NFE2L2: variants seen among roughly 807,000 people sequenced by gnomAD.
NFE2L2 encodes the protein nuclear factor erythroid 2-related factor 2.
A neutral mutation model predicts 49.6 loss-of-function variants in NFE2L2; 20 were observed. The observed-to-expected ratio is 0.40, with a 90% confidence interval of 0.28 to 0.59. The LOEUF is 0.59. Among genes scored for constraint, NFE2L2 ranks in the 20% least tolerant of loss-of-function variants. NFE2L2 has a pLI of 0.40. For missense variants in NFE2L2, 578 were observed against 714.2 expected (o/e 0.81, Z 2.17); for synonymous variants, 244 against 256.5 (o/e 0.95, Z 0.47).
chr2:177,261,846 TA>T (rs1690755407), intron 1 of NFE2L2, among the ~76,000 whole-genome samples: 2 of 152,096 alleles, frequency 1.3e-5, no homozygotes, highest in South Asian at 4.1e-4. Context: ...AAACCCCCTT[TA>T]AATGTCTTCA....
intron 1 of NFE2L2, among the ~76,000 whole-genome samples, chr2:177,238,002 C>T (rs1387277442): frequency 6.6e-6 from 1 of 152,190 alleles, no homozygotes; most frequent in African/African-American, 2.4e-5. Flanking sequence ...AATGCATGAT[C>T]CTGCGATCTT....
chr2:177,237,932 C>T (rs1432727280), intron 1 of NFE2L2, among the ~76,000 whole-genome samples: 1 of 152,172 alleles, frequency 6.6e-6, no homozygotes, highest in Non-Finnish European at 1.5e-5. Flanking sequence ...TCTGCCCAAG[C>T]AAGGTATTAA....
At chr2:177,263,749 G>C (rs1217170406) in intron 1 of NFE2L2, 1 of 985,352 alleles carries the variant, frequency 1.0e-6, no homozygotes, top group Admixed American at 6.1e-5. Flanking sequence ...GCGGCGTTAC[G>C]AGGGGCCAAC....
intron 1 of NFE2L2, among the ~76,000 whole-genome samples, chr2:177,261,623 C>G (rs1352420995): frequency 6.6e-6 from 1 of 152,190 alleles, no homozygotes; most frequent in Non-Finnish European, 1.5e-5. Context: ...AATGCCTGAT[C>G]TAACTATTAT....
At chr2:177,260,008 C>T (rs1156772166) in intron 1 of NFE2L2, among the ~76,000 whole-genome samples, 1 of 152,072 alleles carries the variant, frequency 6.6e-6, no homozygotes, top group Non-Finnish European at 1.5e-5. Flanking sequence ...CATATTTTTG[C>T]TTTCATTTAC....
chr2:177,245,569 G>A (rs1690093476), intron 1 of NFE2L2, among the ~76,000 whole-genome samples: 1 of 151,948 alleles, frequency 6.6e-6, no homozygotes, highest in Non-Finnish European at 1.5e-5. Flanking sequence ...TATCTCATTT[G>A]AGCCTCACTA....
rs148905429 is a variant in NFE2L2, at chr2:177,246,403, A to G, written c.46-12132T>C. 1.5e-3 allele frequency among the ~76,000 whole-genome samples: 235 copies of G among 152,322 alleles called. 1 individual carries two copies. The highest frequency in any genetic ancestry group is 4.2e-3 in the African/African-American group (174 of 41,582). On this transcript the variant is annotated intron_variant, in intron 1 of 4. Coordinates refer to ENST00000397062, the MANE Select transcript of NFE2L2 (RefSeq NM_006164.5). ...AAAATAGATACCAGGTGTACATGGTATAAGATTTAAAAGTTGCAAAAGTAA... is the reference window on the plus strand; with the variant it reads ...AAAATAGATACCAGGTGTACATGGTGTAAGATTTAAAAGTTGCAAAAGTAA...
In NFE2L2 at chr2:177,231,906, G is replaced by A. The variant is rs139187151; in HGVS notation, c.697C>T (p.Pro233Ser). Residue 233 changes from proline (P) to serine (S), a missense_variant, in exon 5 of 5, where the codon CCC (proline) becomes TCC (serine). Pro to Ser is a moderately conservative substitution (Grantham distance 74, BLOSUM62 -1). This residue lies in a region of NFE2L2 where 368 missense variants were observed against 384.6 expected (regional missense o/e 0.96). Coordinates refer to ENST00000397062, the MANE Select transcript of NFE2L2 (RefSeq NM_006164.5). ...TTACCTACTTCTTTTTCCATTGAGG[G>A]TATAGATGAGTAAAAATGATAATTG... Reference protein sequence around the residue: ...VDNYHFYSSIPSMEKEVGNCS... With the variant: ...VDNYHFYSSISSMEKEVGNCS... 187 of 1,614,164 alleles carry A rather than the reference G, an allele frequency of 1.2e-4. No individual in the cohort carries two copies. In the East Asian group the frequency reaches 3.6e-3, roughly 31 times the overall value.
intron 1 of NFE2L2, among the ~76,000 whole-genome samples, chr2:177,240,355 T>C (rs1021102942): frequency 6.6e-6 from 1 of 152,172 alleles, no homozygotes; most frequent in Non-Finnish European, 1.5e-5. Context: ...TGCACAGCAC[T>C]GCACAGATAC....
chr2:177,236,970 TCCTCCCAC>T (rs1458680184), intron 1 of NFE2L2, among the ~76,000 whole-genome samples: 2 of 152,106 alleles, frequency 1.3e-5, no homozygotes, highest in Non-Finnish European at 2.9e-5. Flanking sequence ...GCTCAAGTGA[TCCTCCCAC>T]CTCAGCCTCC....
At position 177,256,244 on chromosome 2, in the gene NFE2L2, A is replaced by G. The variant is rs77164235; in HGVS notation, c.45+8288T>C. 4.1e-3 allele frequency among the ~76,000 whole-genome samples: 622 copies of G among 152,262 alleles called. 3 individuals are homozygous for G. The highest frequency in any genetic ancestry group is 0.015 in the South Asian group (74 of 4,828). On this transcript the variant is annotated intron_variant, in intron 1 of 4. Coordinates refer to ENST00000397062, the MANE Select transcript of NFE2L2 (RefSeq NM_006164.5). ...TTACCTTCACAAAAGGCAACAAAGA[A>G]CTATAGTCATTCTTCCCTCTATTCT...
intron 1 of NFE2L2, among the ~76,000 whole-genome samples, chr2:177,244,916 T>C (rs1387761221): frequency 7.4e-6 from 1 of 135,706 alleles, no homozygotes; most frequent in African/African-American, 2.8e-5. Context: ...GGCAGGAGAA[T>C]GGCGTGAACC....
chr2:177,258,275 T>G (rs1041909710), intron 1 of NFE2L2, among the ~76,000 whole-genome samples: 1 of 152,252 alleles, frequency 6.6e-6, no homozygotes, highest in Non-Finnish European at 1.5e-5. Flanking sequence ...TTGATATACG[T>G]TGCAACATTT....
At chr2:177,251,527 C>T (rs888340105) in intron 1 of NFE2L2, among the ~76,000 whole-genome samples, 2 of 152,062 alleles carry the variant, frequency 1.3e-5, no homozygotes, top group African/African-American at 2.4e-5. Flanking sequence ...CCAGAGGAGC[C>T]GGGGCAACGT....
chr2:177,261,170 C>CAAAAAA (rs59040355), intron 1 of NFE2L2, among the ~76,000 whole-genome samples: 11 of 120,110 alleles, frequency 9.2e-5, no homozygotes, highest in Non-Finnish European at 1.7e-4. Flanking sequence ...GACTTCATCT[C>CAAAAAA]AAAAAAAAAA....
chr2:177,253,319 C>T (rs1303955157), intron 1 of NFE2L2, among the ~76,000 whole-genome samples: 2 of 152,144 alleles, frequency 1.3e-5, no homozygotes, highest in African/African-American at 4.8e-5. Context: ...ATGGACTCAC[C>T]CTCAAACTGA....
intron 1 of NFE2L2, among the ~76,000 whole-genome samples, chr2:177,249,055 A>G (rs1416480141): frequency 6.6e-6 from 1 of 151,838 alleles, no homozygotes; most frequent in Non-Finnish European, 1.5e-5. Context: ...AGTCTCTACA[A>G]AAGAGAAAAA....
chr2:177,258,265 T>C (rs1690599764), intron 1 of NFE2L2, among the ~76,000 whole-genome samples: 2 of 152,240 alleles, frequency 1.3e-5, no homozygotes, highest in Admixed American at 1.3e-4. Context: ...AATGACGCTA[T>C]TGATATACGT....
chr2:177,231,013 A>T lies in NFE2L2; in HGVS notation c.1590T>A (p.Asp530Glu). ...ATTTTTCTTTTTCATCTTTCAAATG[A>T]TCTAAATCTTGCTCTAGTTCTACTA... is the stretch of plus-strand genomic sequence containing the variant. ...ENIVELEQDL[D>E]HLKDEKEKLL... Residue 530 changes from aspartate (D) to glutamate (E), a missense_variant, in exon 5 of 5, where the codon GAT (aspartate) becomes GAA (glutamate). Transcript: ENST00000397062. 6.2e-7 allele frequency: 1 copy of T among 1,612,248 alleles called. No homozygotes were observed. Among genetic ancestry groups the T allele is most frequent in the South Asian group, 1.1e-5 (1 of 90,352 alleles).
Sources: gnomAD v4.1 joint callset for allele counts (sites outside exome capture counted in the v4.1 genomes callset) on GRCh38, gnomAD v4.1.1 for gene constraint, gnomAD v4.1.1 regional missense constraint, MANE v1.5 for transcripts, NCBI Gene and HGNC (gene_info 2026-07-23, HGNC 2026-07-21) for gene names.